The following AHCTF1 variants were observed in gnomAD, a reference collection of about 807,000 sequenced individuals.
AHCTF1 encodes the protein AT-hook containing transcription factor 1, also known as protein ELYS.
In AHCTF1, 24 loss-of-function variants were observed where a neutral mutation model predicts 248.4. That is an observed-to-expected ratio of 0.10 (90% CI 0.07 to 0.14). The LOEUF is 0.14. Among genes scored for constraint, AHCTF1 ranks in the 10% least tolerant of loss-of-function variants. The pLI is 1.00. For missense variants in AHCTF1, 2,206 were observed against 2,636.2 expected (o/e 0.84, Z 3.57); for synonymous variants, 786 against 929.8 (o/e 0.85, Z 2.81).
intron 33 of AHCTF1, among the ~76,000 whole-genome samples, chr1:246,847,176 C>A (rs759719454): frequency 1.3e-5 from 2 of 151,914 alleles, no homozygotes; most frequent in African/African-American, 2.4e-5. Context: ...GTAATCCCAG[C>A]TACTGGGGAG....
At chr1:246,913,137 C>T in intron 4 of AHCTF1, 95 bp downstream of exon 4, 7 of 983,132 alleles carry the variant, frequency 7.1e-6, no homozygotes, top group South Asian at 2.4e-5. Flanking sequence ...TTTTATTTTA[C>T]TCCAGCTGCT....
chr1:246,931,233 G>A (rs1177804133), intron 1 of AHCTF1: 5 of 1,550,172 alleles, frequency 3.2e-6, no homozygotes, highest in East Asian at 2.4e-5. Context: ...CCATCGCGTG[G>A]GAGAACAGTG....
At chr1:246,855,245 A>C (rs1176215317) in intron 31 of AHCTF1, among the ~76,000 whole-genome samples, 1 of 152,228 alleles carries the variant, frequency 6.6e-6, no homozygotes, top group Non-Finnish European at 1.5e-5. Context: ...TAAGCTCCTT[A>C]AGAAAATCCT....
chr1:246,853,313 G>C lies in AHCTF1; in HGVS notation c.4355-14C>G. 1.3e-6 allele frequency: 2 copies of C among 1,593,714 alleles called. No individual in the cohort carries two copies. Among genetic ancestry groups the C allele is most frequent in the Non-Finnish European group, 1.7e-6 (2 of 1,169,528 alleles). ...CATCAGCCATAGCTGAAAGAAAAAT[G>C]AGTGAATTTTTTACATTTAAACTGA... On this transcript the variant is annotated splice_polypyrimidine_tract_variant and intron_variant, in intron 31 of 35. Coordinates refer to ENST00000648844, the MANE Select transcript of AHCTF1 (RefSeq NM_001323342.2).
intron 1 of AHCTF1, among the ~76,000 whole-genome samples, chr1:246,920,351 T>C (rs941702784): frequency 1.4e-4 from 21 of 152,016 alleles, no homozygotes; most frequent in African/African-American, 5.1e-4. Context: ...AAAAATCAAG[T>C]AGATTTGAAA....
rs1664125039 is a variant in AHCTF1 at position 246,890,206 on chromosome 1, C to T, written c.2051-147G>A. ...ATATTTAGGTAATAAAAGATTACTA[C>T]ACATCTTTTTATTTACAGAGGCACA... On this transcript the variant is annotated intron_variant, in intron 16 of 35. Transcript: ENST00000648844. 6 of 502,432 alleles carry T rather than the reference C, an allele frequency of 1.2e-5. No homozygotes were observed. The East Asian group carries it at 2.0e-4, about 17-fold the overall frequency. 31.1% of individuals were successfully genotyped at this position (502,432 alleles called of 1,614,324 possible).
chr1:246,925,233 A>G (rs1280546572), intron 1 of AHCTF1, among the ~76,000 whole-genome samples: 3 of 152,232 alleles, frequency 2.0e-5, no homozygotes, highest in Non-Finnish European at 4.4e-5. Context: ...ATGGATAATG[A>G]GCAAAAAAGT....
chr1:246,901,499 T>C (rs1664994848), intron 8 of AHCTF1, among the ~76,000 whole-genome samples: 1 of 151,944 alleles, frequency 6.6e-6, no homozygotes, highest in Non-Finnish European at 1.5e-5. Context: ...TGGCGGGTGC[T>C]TGTAGCCCCA....
chr1:246,888,130 A>G, intron 19 of AHCTF1, 47 bp downstream of exon 19: 5 of 1,584,868 alleles, frequency 3.2e-6, no homozygotes, highest in Non-Finnish European at 4.3e-6. Context: ...TTGAAATTTT[A>G]TAATTTTAGT....
intron 24 of AHCTF1, among the ~76,000 whole-genome samples, chr1:246,871,295 C>T (rs577709306): frequency 6.6e-6 from 1 of 152,284 alleles, no homozygotes; most frequent in Non-Finnish European, 1.5e-5. Flanking sequence ...AGAGACACCA[C>T]TCGCTTACTG....
At position 246,887,362 on chromosome 1, in the gene AHCTF1, TA is replaced by T. The variant is rs775217695; in HGVS notation, c.2326-6del. On this transcript the variant is annotated splice_region_variant and splice_polypyrimidine_tract_variant and intron_variant, in intron 19 of 35. Transcript: ENST00000648844. ...ATCAAGTAGCAAATAAATGGTCTTT[TA>T]AAAAGCGGATTAAGGACAATAAAAT... The T allele has an allele frequency of 6.8e-6, 11 of 1,605,984 alleles. No homozygotes were observed. The highest frequency in any genetic ancestry group is 1.7e-4 in the Middle Eastern group (1 of 6,018).
chr1:246,868,794 T>C (rs116084353), intron 24 of AHCTF1, among the ~76,000 whole-genome samples: 5,145 of 151,226 alleles, frequency 0.034, 326 homozygotes, highest in African/African-American at 0.12. Context: ...GATGAATGAG[T>C]ACAGGTCTAC....
Position 246,849,975 on chromosome 1 carries a change from T to C in AHCTF1, c.6031A>G (p.Arg2011Gly), listed in dbSNP as rs1165085855. 6.2e-7 allele frequency: 1 copy of C among 1,613,772 alleles called. No homozygotes were observed. Among genetic ancestry groups the C allele is most frequent in the African/African-American group, 1.3e-5 (1 of 74,872 alleles). ...TTTTCACTTTTAGCTGGGGTATTTC[T>C]TGTAGATCTCCTTCTAATGCTGGGA... is the stretch of plus-strand genomic sequence containing the variant. The part of the protein sequence containing the change: ...EAPSIRRRST[R>G]NTPAKSENVD... Residue 2011 changes from arginine to glycine, a missense_variant, in exon 33 of 36, where the codon AGA becomes GGA. Coordinates refer to ENST00000648844, the MANE Select transcript of AHCTF1 (RefSeq NM_001323342.2).
intron 1 of AHCTF1, among the ~76,000 whole-genome samples, chr1:246,920,252 T>C (rs1031750190): frequency 2.0e-5 from 3 of 151,330 alleles, no homozygotes; most frequent in East Asian, 1.9e-4. Context: ...ACTTCAGATA[T>C]TGAAATTACC....
intron 3 of AHCTF1, 69 bp downstream of exon 3, chr1:246,916,073 C>T: frequency 8.6e-6 from 13 of 1,510,880 alleles, no homozygotes; most frequent in African/African-American, 1.4e-5. Context: ...CAAAAAGTAA[C>T]ACACCTATAT....
chr1:246,857,964 CT>C (rs1553287608), intron 29 of AHCTF1, 150 bp from the exon 30 acceptor site: 351 of 493,212 alleles, frequency 7.1e-4, no homozygotes, highest in South Asian at 1.8e-3. Flanking sequence ...ACACTTTCTT[CT>C]TTTTTTTTTT....
chr1:246,916,245 C>T lies in AHCTF1; in HGVS notation c.272G>A (p.Arg91Lys), dbSNP rs761546332. 6.2e-7 allele frequency: 1 copy of T among 1,608,850 alleles called. No individual in the cohort carries two copies. Among genetic ancestry groups the T allele is most frequent in the Admixed American group, 1.7e-5 (1 of 59,816 alleles). The change falls in exon 3 of 36, where the codon AGA becomes AAA. Residue 91 changes from arginine (R) to lysine (K), a missense_variant. Arg to Lys is a conservative substitution (Grantham distance 26, BLOSUM62 2). Coordinates refer to ENST00000648844, the MANE Select transcript of AHCTF1 (RefSeq NM_001323342.2). ...LAVKEFSWQK[R>K]TGLLIGLEET... ...TTCCAATCCTATTAATAATCCAGTT[C>T]TCTTCTGCCAAGAGAATTCTTTCAC...
chr1:246,880,252 G>A (rs1458141878), intron 21 of AHCTF1, among the ~76,000 whole-genome samples: 1 of 150,694 alleles, frequency 6.6e-6, no homozygotes, highest in East Asian at 1.9e-4. Flanking sequence ...TATATAATAG[G>A]CATTATATAT....
intron 29 of AHCTF1, among the ~76,000 whole-genome samples, chr1:246,858,229 G>A (rs1376741335): frequency 6.6e-6 from 1 of 151,994 alleles, no homozygotes; most frequent in African/African-American, 2.4e-5. Context: ...AAAGTGCTGG[G>A]ATTACAGGCA....
Sources: gnomAD v4.1 joint callset for allele counts (sites outside exome capture counted in the v4.1 genomes callset) on GRCh38, gnomAD v4.1.1 for gene constraint, MANE v1.5 for transcripts, NCBI Gene and HGNC (gene_info 2026-07-23, HGNC 2026-07-21) for gene names.